Variants in TRPS1 observed in about 807,000 individuals in gnomAD.
The protein encoded by TRPS1 is zinc finger transcription factor Trps1.
TRPS1 carries 6 observed loss-of-function variants against 101.2 expected under a neutral mutation model. The ratio of observed to expected loss-of-function variants is 0.06; its 90% CI spans 0.03 to 0.12. TRPS1 has a LOEUF of 0.12. Ranked by LOEUF, TRPS1 falls within the 10% of genes least tolerant of loss-of-function variation. The pLI is 1.00. For missense variants in TRPS1, 1,363 were observed against 1,567.0 expected (o/e 0.87, Z 2.20); for synonymous variants, 578 against 589.8 (o/e 0.98, Z 0.29).
At chr8:115,424,946 G>A (rs1433877189) in intron 5 of TRPS1, among the ~76,000 whole-genome samples, 1 of 152,076 alleles carries the variant, frequency 6.6e-6, no homozygotes, top group East Asian at 1.9e-4. Context: ...GACATCGAAG[G>A]CCATGTCCCT....
chr8:115,539,700 C>G (rs1458011860), intron 5 of TRPS1, among the ~76,000 whole-genome samples: 1 of 151,810 alleles, frequency 6.6e-6, no homozygotes, highest in Non-Finnish European at 1.5e-5. Flanking sequence ...AATAAATAAT[C>G]CCCCAAAATT....
chr8:115,513,437 G>A lies in TRPS1; in HGVS notation c.2700+73564C>T, dbSNP rs554936573. On this transcript the variant is annotated intron_variant, in intron 5 of 6. Coordinates refer to ENST00000395715, the MANE Select transcript of TRPS1 (RefSeq NM_014112.5). ...TAGGTGCTCATACCTTAGGCTTCTT[G>A]TAAAGAAAAGAAGTAGACAAGAAGT... is the stretch of plus-strand genomic sequence containing the variant. Among the ~76,000 whole-genome samples the A allele has an allele frequency of 1.1e-4, 17 of 151,744 alleles. No individual in the cohort carries two copies. The South Asian group carries it at 3.5e-3, about 31-fold the overall frequency.
intron 5 of TRPS1, among the ~76,000 whole-genome samples, chr8:115,485,962 A>T (rs1453377545): frequency 6.6e-6 from 1 of 152,186 alleles, no homozygotes; most frequent in Non-Finnish European, 1.5e-5. Flanking sequence ...ACTCCATAAA[A>T]TTATGCTCCT....
chr8:115,502,958 A>T (rs942303080), intron 5 of TRPS1, among the ~76,000 whole-genome samples: 19 of 152,200 alleles, frequency 1.2e-4, no homozygotes, highest in African/African-American at 4.6e-4. Flanking sequence ...TCTGTAGGTA[A>T]AATACTTTTA....
rs1812978434 is a variant in TRPS1, at chr8:115,418,567, C to T, written c.2701-115G>A. 5 of 1,415,136 alleles carry T rather than the reference C, an allele frequency of 3.5e-6. No individual in the cohort carries two copies. Among genetic ancestry groups the T allele is most frequent in the Non-Finnish European group, 5.0e-6 (5 of 1,006,920 alleles). 87.7% of individuals were successfully genotyped at this position (1,415,136 alleles called of 1,614,324 possible). A position where few individuals can be genotyped will look rare whatever the true frequency, so the allele number is the denominator to read the frequency against. On this transcript the variant is annotated intron_variant, in intron 5 of 6. Transcript: ENST00000395715. The surrounding 1 kb of genome is among the most constrained non-coding windows in gnomAD (Gnocchi z 4.3). The stretch of plus-strand genomic sequence containing the variant: ...TAGCAACAATGACAGTATAAAACCA[C>T]ACTGCCCATAATGAGGTCAGGTTCA...
At chr8:115,552,168 A>G (rs1816720701) in intron 5 of TRPS1, among the ~76,000 whole-genome samples, 1 of 152,204 alleles carries the variant, frequency 6.6e-6, no homozygotes, top group African/African-American at 2.4e-5. Flanking sequence ...TATCACTTAC[A>G]GTTTATCTTT....
chr8:115,618,459 A>G (rs532590340), intron 3 of TRPS1, among the ~76,000 whole-genome samples: 27 of 152,304 alleles, frequency 1.8e-4, no homozygotes, highest in Non-Finnish European at 2.2e-4. Flanking sequence ...AAAAGTAAAA[A>G]TCTAAATTAT....
At chr8:115,645,373 A>C (rs1443276414) in intron 1 of TRPS1, among the ~76,000 whole-genome samples, 1 of 152,214 alleles carries the variant, frequency 6.6e-6, no homozygotes, top group East Asian at 1.9e-4. Context: ...GGGTGATCTC[A>C]GTAATAACAA....
Position 115,472,963 on chromosome 8 carries a change from C to G in TRPS1, c.2701-54511G>C, listed in dbSNP as rs561244333. The stretch of plus-strand genomic sequence containing the variant: ...TGTCCATATCACTATCAGCATGTTA[C>G]TCAAAGCCATTCAACAAGTCTCTAG... On this transcript the variant is annotated intron_variant, in intron 5 of 6. Coordinates refer to ENST00000395715, the MANE Select transcript of TRPS1 (RefSeq NM_014112.5). Among the ~76,000 whole-genome samples, 5 of 152,318 alleles carry G rather than the reference C, an allele frequency of 3.3e-5. No individual in the cohort carries two copies. In the South Asian group the frequency reaches 1.0e-3, roughly 32 times the overall value.
chr8:115,470,184 G>T (rs1052978158), intron 5 of TRPS1, among the ~76,000 whole-genome samples: 1 of 152,108 alleles, frequency 6.6e-6, no homozygotes, highest in Non-Finnish European at 1.5e-5. Context: ...TACTCTCAGG[G>T]TAGAACATTC....
chr8:115,430,951 GAAGC>G (rs1813304793), intron 5 of TRPS1, among the ~76,000 whole-genome samples: 2 of 151,784 alleles, frequency 1.3e-5, no homozygotes, highest in South Asian at 2.1e-4. Flanking sequence ...AAAAAAAAAT[GAAGC>G]AATAGAGTAC....
intron 5 of TRPS1, among the ~76,000 whole-genome samples, chr8:115,466,810 C>T (rs1814330580): frequency 6.6e-6 from 1 of 152,080 alleles, no homozygotes; most frequent in African/African-American, 2.4e-5. Flanking sequence ...TTTAACTCCT[C>T]AACTTTCATA....
chr8:115,562,865 ACC>A (rs1483601797), intron 5 of TRPS1, among the ~76,000 whole-genome samples: 1 of 135,314 alleles, frequency 7.4e-6, no homozygotes, highest in African/African-American at 2.8e-5. Flanking sequence ...TACTCCCCCT[ACC>A]CACAGTGTCT....
intron 3 of TRPS1, among the ~76,000 whole-genome samples, chr8:115,607,170 G>C (rs1412389911): frequency 6.6e-6 from 1 of 152,052 alleles, no homozygotes; most frequent in East Asian, 1.9e-4. Context: ...ATATACTTAA[G>C]AAATCCCTAA....
At chr8:115,584,851 A>G (rs1467301895) in intron 5 of TRPS1, among the ~76,000 whole-genome samples, 1 of 152,152 alleles carries the variant, frequency 6.6e-6, no homozygotes, top group Non-Finnish European at 1.5e-5. Flanking sequence ...ATGTTGCCCA[A>G]TAAATTAAAT....
rs1423764404 is a variant in TRPS1 at position 115,604,031 on chromosome 8, A to G, written c.1938T>C (p.Tyr646=). 1.2e-6 allele frequency: 2 copies of G among 1,614,020 alleles called. No homozygotes were observed. The highest frequency in any genetic ancestry group is 1.7e-6 in the Non-Finnish European group (2 of 1,179,980). Reference sequence around the variant, plus strand: ...ATGCTTGGGACTCATGCACACTTTCATAGTGAAAGAGGAGTACATCTACGT... The same window carrying G: ...ATGCTTGGGACTCATGCACACTTTCGTAGTGAAAGAGGAGTACATCTACGT... ...TPDVDVLLFH[Y]ESVHESQASD... The change falls in exon 4 of 7, where the codon TAT becomes TAC. Residue 646 remains tyrosine, a synonymous_variant. Coordinates refer to ENST00000395715, the MANE Select transcript of TRPS1 (RefSeq NM_014112.5). This position sits in a 1 kb window ranked among gnomAD's most constrained non-coding sequence, Gnocchi z 4.1.
intron 5 of TRPS1, among the ~76,000 whole-genome samples, chr8:115,419,831 C>T (rs1013266324): frequency 2.0e-5 from 3 of 152,152 alleles, no homozygotes; most frequent in African/African-American, 4.8e-5. Context: ...CAGAGGCTCT[C>T]GTCAGCTAAA....
At chr8:115,461,898 T>TA (rs1814189631) in intron 5 of TRPS1, among the ~76,000 whole-genome samples, 1 of 152,078 alleles carries the variant, frequency 6.6e-6, no homozygotes. Context: ...ATAACGAAAG[T>TA]AAAATCTAAC....
intron 5 of TRPS1, among the ~76,000 whole-genome samples, chr8:115,535,548 C>CATATATAT (rs140856876): frequency 6.9e-6 from 1 of 145,212 alleles, no homozygotes; most frequent in African/African-American, 2.5e-5. Flanking sequence ...ATATATAGCG[C>CATATATAT]ATATATATAT....
Sources: gnomAD v4.1 joint callset for allele counts (sites outside exome capture counted in the v4.1 genomes callset) on GRCh38, gnomAD v4.1.1 for gene constraint, Gnocchi (gnomAD v3.1) non-coding constraint, MANE v1.5 for transcripts, NCBI Gene and HGNC (gene_info 2026-07-23, HGNC 2026-07-21) for gene names.